The following SLC22A15 variants were observed in gnomAD, a reference collection of about 807,000 sequenced individuals.
The protein encoded by SLC22A15 is flipt 1.
SLC22A15 carries 45 observed loss-of-function variants against 62.7 expected under a neutral mutation model. That is an observed-to-expected ratio of 0.72 (90% CI 0.56 to 0.92). The LOEUF is 0.92. SLC22A15 is among the 40% of genes least tolerant of loss of function. The probability of loss-of-function intolerance (pLI) is 0.00; values close to 1 mark genes in which losing one functional copy is unlikely to be tolerated. For missense variants in SLC22A15, 622 were observed against 665.6 expected (o/e 0.93, Z 0.72); for synonymous variants, 264 against 267.0 (o/e 0.99, Z 0.11).
At position 115,976,604 on chromosome 1, in the gene SLC22A15, C is replaced by A; in HGVS notation, c.-24C>A. The A allele has an allele frequency of 1.3e-6, 2 of 1,545,516 alleles. No individual in the cohort carries two copies. The highest frequency in any genetic ancestry group is 1.7e-6 in the Non-Finnish European group (2 of 1,146,978). ...AGCGCCTGAGAGGGCGGTGGGGTGG[C>A]GGGGTTCCTGCGCGCGGCCCGCCAT... On this transcript the variant is annotated 5_prime_UTR_variant, in exon 1 of 12. Coordinates refer to ENST00000369503, the MANE Select transcript of SLC22A15 (RefSeq NM_018420.3).
chr1:116,031,869 G>A, intron 6 of SLC22A15: 2 of 1,230,752 alleles, frequency 1.6e-6, no homozygotes, highest in Non-Finnish European at 2.0e-6. Context: ...AAATATTTAA[G>A]CCTTCCTGCC....
chr1:116,064,127 C>T lies in SLC22A15; in HGVS notation c.1293-309C>T, dbSNP rs555815521. ...CACTGTCCAATATGGTAGTTACTGG[C>T]TTCATGTAGCTATTTAAGTGTAAAT... On this transcript the variant is annotated intron_variant, in intron 9 of 11. Coordinates refer to ENST00000369503, the MANE Select transcript of SLC22A15 (RefSeq NM_018420.3). 1.1e-4 allele frequency among the ~76,000 whole-genome samples: 16 copies of T among 152,136 alleles called. No individual in the cohort carries two copies. In the East Asian group the frequency reaches 2.9e-3, roughly 28 times the overall value.
chr1:115,990,668 A>G (rs953730832), intron 1 of SLC22A15, among the ~76,000 whole-genome samples: 1 of 152,180 alleles, frequency 6.6e-6, no homozygotes, highest in Non-Finnish European at 1.5e-5. Flanking sequence ...GTACCTCTCC[A>G]GAGAGGCCCA....
chr1:115,980,340 C>T (rs1422694238), intron 1 of SLC22A15, among the ~76,000 whole-genome samples: 1 of 152,158 alleles, frequency 6.6e-6, no homozygotes, highest in Non-Finnish European at 1.5e-5. Flanking sequence ...CCTAGGTACA[C>T]ATCCCACATT....
Position 115,992,283 on chromosome 1 carries a change from C to G in SLC22A15, c.300+40C>G, listed in dbSNP as rs373343662. 10 of 1,481,172 alleles carry G rather than the reference C, an allele frequency of 6.8e-6. No homozygotes were observed. The South Asian group carries it at 1.2e-4, about 18-fold the overall frequency. 91.8% of individuals were successfully genotyped at this position (1,481,172 alleles called of 1,614,324 possible). Reference sequence around the variant, plus strand: ...TTTCAATCACTAAATAAATGTCTCTCTTTGTCCACATAGAGCTACTCTTTT... The same window carrying G: ...TTTCAATCACTAAATAAATGTCTCTGTTTGTCCACATAGAGCTACTCTTTT... On this transcript the variant is annotated intron_variant, in intron 2 of 11. Transcript: ENST00000369503.
chr1:116,010,697 T>C (rs1656204795), intron 2 of SLC22A15, among the ~76,000 whole-genome samples: 1 of 152,188 alleles, frequency 6.6e-6, no homozygotes, highest in African/African-American at 2.4e-5. Context: ...GGAATTGTTA[T>C]CAGAGCCATT....
chr1:116,056,267 C>G (rs140104113), intron 8 of SLC22A15, among the ~76,000 whole-genome samples: 6,547 of 150,358 alleles, frequency 0.044, 183 homozygotes, highest in African/African-American at 0.069. Context: ...CAATAACAGA[C>G]AATCAGAGAG....
chr1:116,045,379 C>T (rs1237034053), intron 8 of SLC22A15, among the ~76,000 whole-genome samples: 1 of 151,758 alleles, frequency 6.6e-6, no homozygotes, highest in Non-Finnish European at 1.5e-5. Flanking sequence ...TTCAAAGGAT[C>T]TGGACTATCC....
At chr1:116,038,091 T>G (rs997729180) in intron 8 of SLC22A15, among the ~76,000 whole-genome samples, 1 of 152,122 alleles carries the variant, frequency 6.6e-6, no homozygotes, top group Admixed American at 6.5e-5. Flanking sequence ...GTGATTGCCT[T>G]GGGAACTGTG....
intron 1 of SLC22A15, among the ~76,000 whole-genome samples, chr1:115,990,140 C>T (rs1655077222): frequency 6.6e-6 from 1 of 152,146 alleles, no homozygotes; most frequent in African/African-American, 2.4e-5. Context: ...ACAAGCAAGA[C>T]AGTAAGGAAG....
chr1:115,984,530 G>A (rs1412058538), intron 1 of SLC22A15, among the ~76,000 whole-genome samples: 3 of 152,174 alleles, frequency 2.0e-5, no homozygotes, highest in Non-Finnish European at 1.5e-5. Flanking sequence ...GGGCCCATAA[G>A]ATCATAATGG....
chr1:116,010,700 G>T (rs939217444), intron 2 of SLC22A15, among the ~76,000 whole-genome samples: 1 of 152,142 alleles, frequency 6.6e-6, no homozygotes, highest in Non-Finnish European at 1.5e-5. Context: ...ATTGTTATCA[G>T]AGCCATTCAG....
intron 1 of SLC22A15, among the ~76,000 whole-genome samples, chr1:115,991,721 A>G (rs1655148688): frequency 1.3e-5 from 2 of 152,232 alleles, no homozygotes; most frequent in Non-Finnish European, 2.9e-5. Flanking sequence ...CTGCCCTTCT[A>G]CTTTTGAACC....
chr1:116,002,554 A>C (rs1028902271), intron 2 of SLC22A15, among the ~76,000 whole-genome samples: 1 of 149,892 alleles, frequency 6.7e-6, no homozygotes, highest in East Asian at 2.0e-4. Context: ...TGGTACCGAG[A>C]TTGCAAGACA....
intron 8 of SLC22A15, among the ~76,000 whole-genome samples, chr1:116,060,584 A>C (rs1658357049): frequency 6.6e-6 from 1 of 152,158 alleles, no homozygotes. Flanking sequence ...TGGGTTGAAA[A>C]CAGTCCCAGA....
chr1:116,060,498 C>A (rs1383065590), intron 8 of SLC22A15, among the ~76,000 whole-genome samples: 2 of 152,186 alleles, frequency 1.3e-5, no homozygotes, highest in East Asian at 3.9e-4. Flanking sequence ...ATCCAGATTT[C>A]AAGGATGGCA....
intron 6 of SLC22A15, among the ~76,000 whole-genome samples, chr1:116,033,583 G>GTGTGTGTGTGTC (rs1553223951): frequency 6.9e-6 from 1 of 145,636 alleles, no homozygotes. Context: ...GTGTGTGTGT[G>GTGTGTGTGTGTC]TGTGTATGTG....
intron 2 of SLC22A15, among the ~76,000 whole-genome samples, chr1:116,000,413 CTTT>C (rs1655661926): frequency 6.6e-6 from 1 of 151,928 alleles, no homozygotes; most frequent in African/African-American, 2.4e-5. Context: ...TGCTTTTTAA[CTTT>C]TTGTTGTTTC....
chr1:116,060,240 T>A (rs1006675665), intron 8 of SLC22A15, among the ~76,000 whole-genome samples: 3 of 152,210 alleles, frequency 2.0e-5, no homozygotes, highest in African/African-American at 7.2e-5. Context: ...TGGGCTATTT[T>A]GAGGAAAAAG....
Sources: gnomAD v4.1 joint callset for allele counts (sites outside exome capture counted in the v4.1 genomes callset) on GRCh38, gnomAD v4.1.1 for gene constraint, MANE v1.5 for transcripts, NCBI Gene and HGNC (gene_info 2026-07-23, HGNC 2026-07-21) for gene names.